The following C12orf42 variants were observed in gnomAD, a reference collection of about 807,000 sequenced individuals.
The protein encoded by C12orf42 is chromosome 12 open reading frame 42, also known as uncharacterized protein C12orf42.
A neutral mutation model predicts 21.6 loss-of-function variants in C12orf42; 25 were observed. That is an observed-to-expected ratio of 1.16 (90% confidence interval 0.84 to 1.62). C12orf42 has a LOEUF of 1.62. C12orf42 is among the 40% of genes most tolerant of loss of function. C12orf42 has a pLI of 0.00. For missense variants in C12orf42, 483 were observed against 459.3 expected (o/e 1.05, Z -0.47); for synonymous variants, 174 against 175.0 (o/e 0.99, Z 0.05).
At chr12:103,386,846 C>T (rs762460517) in intron 3 of C12orf42, among the ~76,000 whole-genome samples, 5 of 152,176 alleles carry the variant, frequency 3.3e-5, no homozygotes, top group Non-Finnish European at 7.4e-5. Flanking sequence ...GCTGCCCATG[C>T]ACCTGAACCC....
the C12orf42 span, among the ~76,000 whole-genome samples, chr12:103,531,164 C>T: frequency 6.6e-6 from 1 of 152,184 alleles, no homozygotes; most frequent in Non-Finnish European, 1.5e-5. Flanking sequence ...AATCGTCTTT[C>T]TCTGCAATGA....
intron 2 of C12orf42, among the ~76,000 whole-genome samples, chr12:103,410,785 C>G (rs1019929945): frequency 6.6e-6 from 1 of 152,110 alleles, no homozygotes; most frequent in Non-Finnish European, 1.5e-5. Context: ...ATTAACAAAT[C>G]AGATTAAAAG....
At position 103,476,945 on chromosome 12, in the gene C12orf42, A is replaced by T. The variant is rs144759075; in HGVS notation, c.78+1404T>A. 4.9e-4 allele frequency: 75 copies of T among 152,362 alleles called. No individual in the cohort carries two copies. The East Asian group carries it at 9.2e-3, about 19-fold the overall frequency. 9.4% of individuals were successfully genotyped at this position (152,362 alleles called of 1,614,324 possible). ...ACAAAGTACAATGGCCATAGATTTC[A>T]TACTTCAATTTGAATTCAACTCATA... On this transcript the variant is annotated intron_variant, in intron 2 of 5. Coordinates refer to ENST00000548883, the MANE Select transcript of C12orf42 (RefSeq NM_198521.5).
At chr12:103,201,351 G>C in the C12orf42 span, among the ~76,000 whole-genome samples, 44 of 152,276 alleles carry the variant, frequency 2.9e-4, no homozygotes, top group African/African-American at 1.0e-3. Context: ...TTTGTGAAGT[G>C]CTTGCTTTGG....
the C12orf42 span, among the ~76,000 whole-genome samples, chr12:103,231,066 G>A: frequency 6.6e-6 from 1 of 152,172 alleles, no homozygotes; most frequent in East Asian, 1.9e-4. Flanking sequence ...AAATTTACAA[G>A]TGTATGAGGT....
At chr12:103,516,961 T>C in the C12orf42 span, among the ~76,000 whole-genome samples, 1 of 152,318 alleles carries the variant, frequency 6.6e-6, no homozygotes, top group Non-Finnish European at 1.5e-5. Flanking sequence ...AGAAACCACC[T>C]GCCTGAGAGC....
chr12:103,202,133 A>C, the C12orf42 span, among the ~76,000 whole-genome samples: 1 of 152,140 alleles, frequency 6.6e-6, no homozygotes, highest in African/African-American at 2.4e-5. Flanking sequence ...GTTTCTCTAA[A>C]CCTACGATTT....
intron 2 of C12orf42, among the ~76,000 whole-genome samples, chr12:103,407,150 C>A (rs1419758737): frequency 2.0e-5 from 3 of 152,132 alleles, no homozygotes; most frequent in Non-Finnish European, 4.4e-5. Flanking sequence ...ATAAAGCCTG[C>A]AGCCTCTTCA....
the C12orf42 span, among the ~76,000 whole-genome samples, chr12:103,110,559 G>T: frequency 6.6e-6 from 1 of 152,118 alleles, no homozygotes; most frequent in Non-Finnish European, 1.5e-5. Context: ...TGGGTACAAA[G>T]AAGTTTGATA....
Position 103,305,632 on chromosome 12 carries a change from T to C in C12orf42, c.631+342A>G, listed in dbSNP as rs1244074819. 2.0e-5 allele frequency among the ~76,000 whole-genome samples: 3 copies of C among 152,334 alleles called. No homozygotes were observed. The East Asian group carries it at 5.8e-4, about 29-fold the overall frequency. On this transcript the variant is annotated intron_variant, in intron 5 of 5. Transcript: ENST00000548883. ...AATGGTATGATCTGCCTGAATATTA[T>C]ATGAGGATTTCATAAAATAATATAA... is the stretch of plus-strand genomic sequence containing the variant.
the C12orf42 span, among the ~76,000 whole-genome samples, chr12:103,184,408 T>C: frequency 1.3e-5 from 2 of 152,206 alleles, no homozygotes; most frequent in African/African-American, 2.4e-5. Context: ...TCTTTTTCCA[T>C]CCTTTTAATT....
chr12:103,160,136 G>GA, the C12orf42 span, among the ~76,000 whole-genome samples: 3 of 152,010 alleles, frequency 2.0e-5, no homozygotes, highest in African/African-American at 7.2e-5. Context: ...AATTCTGTGA[G>GA]AAAAAAAGTC....
the C12orf42 span, among the ~76,000 whole-genome samples, chr12:103,222,854 G>C: frequency 6.6e-6 from 1 of 150,694 alleles, no homozygotes; most frequent in Non-Finnish European, 1.5e-5. Flanking sequence ...CCTGTGTAGG[G>C]TATAAGAAGC....
At chr12:103,068,932 CACATATATATAT>C in the C12orf42 span, among the ~76,000 whole-genome samples, 758 of 48,158 alleles carry the variant, frequency 0.016, 46 homozygotes, top group Admixed American at 0.023. Context: ...TCTCTCTCTC[CACATATATATAT>C]ATATATATAT....
chr12:103,469,713 G>A (rs1953438970), intron 2 of C12orf42, among the ~76,000 whole-genome samples: 1 of 152,162 alleles, frequency 6.6e-6, no homozygotes, highest in African/African-American at 2.4e-5. Context: ...AACGGGCATG[G>A]ATGTTTCAAC....
At chr12:103,163,398 C>G in the C12orf42 span, among the ~76,000 whole-genome samples, 1 of 152,096 alleles carries the variant, frequency 6.6e-6, no homozygotes, top group African/African-American at 2.4e-5. Context: ...GTAAAAATGC[C>G]TCCATTTCAT....
At chr12:103,061,808 T>A in the C12orf42 span, among the ~76,000 whole-genome samples, 1 of 151,968 alleles carries the variant, frequency 6.6e-6, no homozygotes. Context: ...TTACCTGATT[T>A]TTTTTAATGA....
At chr12:103,418,681 A>G (rs1420057621) in intron 2 of C12orf42, among the ~76,000 whole-genome samples, 3 of 152,070 alleles carry the variant, frequency 2.0e-5, no homozygotes, top group African/African-American at 7.2e-5. Flanking sequence ...CCAGATCATG[A>G]GCAGCTACTG....
chr12:103,316,176 C>T (rs1007733684), intron 4 of C12orf42, among the ~76,000 whole-genome samples: 2 of 150,306 alleles, frequency 1.3e-5, no homozygotes. Flanking sequence ...AATATATATA[C>T]TGATATAAAT....
Sources: gnomAD v4.1 joint callset for allele counts (sites outside exome capture counted in the v4.1 genomes callset) on GRCh38, gnomAD v4.1.1 for gene constraint, MANE v1.5 for transcripts, NCBI Gene and HGNC (gene_info 2026-07-23, HGNC 2026-07-21) for gene names.